EYS: variants seen among roughly 807,000 people sequenced by gnomAD.
EYS encodes the protein EGF-like photoreceptor maintenance factor, also known as protein eyes shut homolog.
In EYS, 250 loss-of-function variants were observed where a neutral mutation model predicts 282.1. That is an observed-to-expected ratio of 0.89 (90% CI 0.80 to 0.98). The LOEUF is 0.98. Among genes scored for constraint, EYS ranks in the 50% least tolerant of loss-of-function variants. The pLI is 0.00. For synonymous variants in EYS, 1,355 were observed against 1,282.9 expected, an observed-to-expected ratio of 1.06 and a Z score of -1.20; for missense variants, 4,016 against 3,709.0, an observed-to-expected ratio of 1.08 and a Z score of -2.15.
intron 22 of EYS, among the ~76,000 whole-genome samples, chr6:64,755,261 C>A (rs74748366): frequency 0.047 from 7,130 of 151,950 alleles, 227 homozygotes; most frequent in East Asian, 0.18. Context: ...CTCTACAAGA[C>A]AAAGTACAAA....
At chr6:65,636,971 T>C (rs1582549168) in intron 2 of EYS, among the ~76,000 whole-genome samples, 1 of 151,888 alleles carries the variant, frequency 6.6e-6, no homozygotes, top group East Asian at 1.9e-4. Context: ...ACCACCACAG[T>C]TGGATATGTT....
At chr6:64,311,736 T>G (rs1023041855) in intron 29 of EYS, among the ~76,000 whole-genome samples, 3 of 152,146 alleles carry the variant, frequency 2.0e-5, no homozygotes, top group African/African-American at 7.2e-5. Context: ...CAAAGCAGGA[T>G]GGGGTGTCAG....
chr6:64,470,025 C>T (rs1047979307), intron 26 of EYS, among the ~76,000 whole-genome samples: 5 of 152,208 alleles, frequency 3.3e-5, no homozygotes, highest in Non-Finnish European at 7.3e-5. Flanking sequence ...ATCCAATGGA[C>T]ACGTGACCCA....
chr6:63,983,325 C>A (rs1308421234), intron 35 of EYS, among the ~76,000 whole-genome samples: 5 of 151,636 alleles, frequency 3.3e-5, no homozygotes, highest in South Asian at 2.1e-4. Context: ...ACTAACCATG[C>A]CTTTTTTATT....
At chr6:64,937,390 T>C (rs1046199612) in intron 15 of EYS, among the ~76,000 whole-genome samples, 1 of 151,612 alleles carries the variant, frequency 6.6e-6, no homozygotes, top group African/African-American at 2.4e-5. Flanking sequence ...TTGCAAATCA[T>C]ATTTGATAAT....
chr6:64,809,092 A>G (rs991797688), intron 22 of EYS, among the ~76,000 whole-genome samples: 1 of 152,096 alleles, frequency 6.6e-6, no homozygotes, highest in African/African-American at 2.4e-5. Flanking sequence ...AGTCTTAAAG[A>G]CACAGAAATA....
At chr6:64,575,720 T>C (rs1000231318) in intron 26 of EYS, among the ~76,000 whole-genome samples, 1 of 152,080 alleles carries the variant, frequency 6.6e-6, no homozygotes, top group Non-Finnish European at 1.5e-5. Context: ...TGGTACATAG[T>C]ATTAAAATTC....
intron 41 of EYS, among the ~76,000 whole-genome samples, chr6:63,728,631 A>G (rs1282762331): frequency 6.6e-6 from 1 of 152,202 alleles, no homozygotes; most frequent in East Asian, 1.9e-4. Flanking sequence ...CGTACATTCT[A>G]TGGATTTTGA....
chr6:64,796,688 C>T (rs953650417), intron 22 of EYS, among the ~76,000 whole-genome samples: 14 of 152,010 alleles, frequency 9.2e-5, no homozygotes, highest in Admixed American at 5.2e-4. Context: ...AAGTACTGTA[C>T]GTTGAGCCAG....
At chr6:64,752,228 A>G (rs1772782616) in intron 22 of EYS, among the ~76,000 whole-genome samples, 1 of 152,288 alleles carries the variant, frequency 6.6e-6, no homozygotes, top group East Asian at 1.9e-4. Flanking sequence ...TCCAAGAGAA[A>G]GTTAAAGCTA....
intron 2 of EYS, among the ~76,000 whole-genome samples, chr6:65,575,004 T>C (rs993399853): frequency 1.4e-4 from 22 of 152,046 alleles, no homozygotes; most frequent in African/African-American, 5.3e-4. Context: ...TTAAACAGCA[T>C]GGTCCTAAGC....
At chr6:65,691,490 T>C (rs1769241286) in intron 1 of EYS, among the ~76,000 whole-genome samples, 1 of 138,280 alleles carries the variant, frequency 7.2e-6, no homozygotes, top group Non-Finnish European at 1.6e-5. Context: ...TAGCCCTTTG[T>C]CAGATGGATA....
intron 13 of EYS, among the ~76,000 whole-genome samples, chr6:65,000,327 C>T (rs1206733354): frequency 3.9e-5 from 6 of 152,122 alleles, no homozygotes; most frequent in Non-Finnish European, 8.8e-5. Context: ...TATTTTGAGG[C>T]CAAATTTTCT....
Position 65,564,909 on chromosome 6 carries a change from A to G in EYS, c.-332-68916T>C, listed in dbSNP as rs937333676. ...AAAGGGATAATATCCAGAATCTACA[A>G]GGAACTTAAACAAATTTAAAAGAAA... On this transcript the variant is annotated intron_variant, in intron 2 of 42. Coordinates refer to ENST00000503581, the MANE Select transcript of EYS (RefSeq NM_001142800.2). Among the ~76,000 whole-genome samples the G allele has an allele frequency of 4.0e-5, 6 of 150,230 alleles. No individual in the cohort carries two copies. In the South Asian group the frequency reaches 1.1e-3, roughly 27 times the overall value.
intron 26 of EYS, among the ~76,000 whole-genome samples, chr6:64,554,529 A>T (rs1408272752): frequency 1.3e-5 from 2 of 152,110 alleles, no homozygotes; most frequent in Admixed American, 1.3e-4. Flanking sequence ...GTTAATATAC[A>T]AATGACTTTT....
At chr6:64,362,816 A>G (rs1772061258) in intron 29 of EYS, among the ~76,000 whole-genome samples, 1 of 151,828 alleles carries the variant, frequency 6.6e-6, no homozygotes, top group African/African-American at 2.4e-5. Context: ...TTAGGTTATT[A>G]TTATAAAGCC....
intron 33 of EYS, among the ~76,000 whole-genome samples, chr6:64,053,988 A>G (rs1010280674): frequency 7.9e-5 from 12 of 152,170 alleles, no homozygotes; most frequent in Non-Finnish European, 1.6e-4. Context: ...TCTATGGTGA[A>G]GTCTGTATAA....
intron 15 of EYS, among the ~76,000 whole-genome samples, chr6:64,924,442 TC>T (rs200964847): frequency 0.011 from 1,616 of 152,322 alleles, 31 homozygotes; most frequent in African/African-American, 0.037. Context: ...GCAGACATTT[TC>T]CCCATGGTCT....
intron 19 of EYS, among the ~76,000 whole-genome samples, chr6:64,861,518 G>A (rs1766237469): frequency 6.6e-6 from 1 of 152,110 alleles, no homozygotes; most frequent in Non-Finnish European, 1.5e-5. Flanking sequence ...ACTGCTCCCA[G>A]CCCCCAAGAG....
Sources: gnomAD v4.1 joint callset for allele counts (sites outside exome capture counted in the v4.1 genomes callset) on GRCh38, gnomAD v4.1.1 for gene constraint, MANE v1.5 for transcripts, NCBI Gene and HGNC (gene_info 2026-07-23, HGNC 2026-07-21) for gene names.